The following GLYR1 variants were observed in gnomAD, a reference collection of about 807,000 sequenced individuals.
GLYR1 encodes the protein cytokine-like nuclear factor N-PAC.
GLYR1 carries 21 observed loss-of-function variants against 72.7 expected under a neutral mutation model. The ratio of observed to expected loss-of-function variants is 0.29; its 90% CI spans 0.20 to 0.42. The LOEUF (loss-of-function observed/expected upper bound fraction) is 0.42, where lower values mean the gene tolerates loss of function less well. Among genes scored for constraint, GLYR1 ranks in the 10% least tolerant of loss-of-function variants. GLYR1 has a pLI of 1.00. For synonymous variants in GLYR1, 392 were observed against 270.2 expected (o/e 1.45, Z -4.42); for missense variants, 594 against 712.1 (o/e 0.83, Z 1.89).
At chr16:4,808,848 C>G (rs867718221) in intron 15 of GLYR1, among the ~76,000 whole-genome samples, 3 of 151,968 alleles carry the variant, frequency 2.0e-5, no homozygotes, top group Middle Eastern at 3.4e-3. Context: ...CGCCTATAGT[C>G]CCAGCTACTC....
Position 4,804,965 on chromosome 16 carries a change from G to T in GLYR1, c.*271C>A. The T allele has an allele frequency of 1.9e-6, 1 of 538,748 alleles. No individual in the cohort carries two copies. Among genetic ancestry groups the T allele is most frequent in the East Asian group, 3.1e-5 (1 of 31,906 alleles). The allele number at this position is 538,748 out of a possible 1,614,324, so 33.4% of individuals were successfully genotyped here. ...TGTGTGTGTGTGTGTGTGTGTGTGT[G>T]TGTGTGAACACACAGCCACCTCGTC... On this transcript the variant is annotated 3_prime_UTR_variant, in exon 16 of 16. Transcript: ENST00000321919.
chr16:4,823,981 T>C, intron 5 of GLYR1, 74 bp from the exon 6 acceptor site: 1 of 1,229,986 alleles, frequency 8.1e-7, no homozygotes, highest in African/African-American at 1.5e-5. Context: ...CTCCACAGTC[T>C]AAGGGAAAGT....
chr16:4,817,159 G>A (rs1192406468), intron 10 of GLYR1, among the ~76,000 whole-genome samples: 6 of 148,510 alleles, frequency 4.0e-5, no homozygotes, highest in Admixed American at 1.3e-4. Context: ...TTGCTCTGTC[G>A]CCCAGGCTGG....
intron 10 of GLYR1, 104 bp downstream of exon 10, chr16:4,817,494 C>G (rs1274877135): frequency 5.7e-6 from 4 of 701,196 alleles, no homozygotes; most frequent in African/African-American, 1.8e-5. Context: ...AGCTTGGCTT[C>G]TATTCTATTG....
rs372806237 is a variant in GLYR1, at chr16:4,819,562, TG to T, written c.806+1817del. Among the ~76,000 whole-genome samples the T allele has an allele frequency of 7.2e-5, 11 of 152,326 alleles. No individual in the cohort carries two copies. The East Asian group carries it at 1.9e-3, about 27-fold the overall frequency. On this transcript the variant is annotated intron_variant, in intron 9 of 15. Coordinates refer to ENST00000321919, the MANE Select transcript of GLYR1 (RefSeq NM_032569.4). ...CTGGCCTCAAGGGATCCTTCTGCTT[TG>T]GTCTCCCAAAGTGTGGGGATTACAA...
At position 4,819,833 on chromosome 16, in the gene GLYR1, A is replaced by G. The variant is rs1189950296; in HGVS notation, c.806+1547T>C. ...GGAACCCACCAACTTTCTCACCAAAATAGACCTCCTTGCTAACTGCTTCAA... is the reference window on the plus strand; with the variant it reads ...GGAACCCACCAACTTTCTCACCAAAGTAGACCTCCTTGCTAACTGCTTCAA... On this transcript the variant is annotated intron_variant, in intron 9 of 15. Transcript: ENST00000321919. Among the ~76,000 whole-genome samples, 4 of 152,168 alleles carry G rather than the reference A, an allele frequency of 2.6e-5. No individual in the cohort carries two copies. In the East Asian group the frequency reaches 7.7e-4, roughly 29 times the overall value.
intron 5 of GLYR1, among the ~76,000 whole-genome samples, chr16:4,831,040 C>T (rs529835392): frequency 6.6e-6 from 1 of 152,302 alleles, no homozygotes; most frequent in East Asian, 1.9e-4. Flanking sequence ...AGAACTGGTA[C>T]TCTTTCTCCA....
chr16:4,815,563 G>A (rs2083583881), intron 10 of GLYR1, among the ~76,000 whole-genome samples: 1 of 152,020 alleles, frequency 6.6e-6, no homozygotes, highest in Non-Finnish European at 1.5e-5. Flanking sequence ...TTAAATTCAG[G>A]TCTCCACAAA....
At chr16:4,820,701 C>T (rs1465534824) in intron 9 of GLYR1, among the ~76,000 whole-genome samples, 1 of 152,220 alleles carries the variant, frequency 6.6e-6, no homozygotes, top group East Asian at 1.9e-4. Flanking sequence ...TGGAAACTGA[C>T]TTTAGCTAAC....
chr16:4,836,973 C>G (rs1333294787), intron 3 of GLYR1, among the ~76,000 whole-genome samples: 1 of 152,164 alleles, frequency 6.6e-6, no homozygotes, highest in Non-Finnish European at 1.5e-5. Flanking sequence ...GCACCTGTAA[C>G]ACAGCCAATT....
At chr16:4,846,573 T>C (rs576618331) in intron 1 of GLYR1, 4 of 285,622 alleles carry the variant, frequency 1.4e-5, no homozygotes, top group African/African-American at 4.3e-5. Context: ...CAAATGCTAA[T>C]GGAAGCCTTC....
Position 4,804,824 on chromosome 16 carries a change from T to C in GLYR1, c.*412A>G. ...GAAGCTGTGGGAAGGCTTCCAACTCTCGTTGCTGATTCTAGTTCCTTGACT... is the reference window on the plus strand; with the variant it reads ...GAAGCTGTGGGAAGGCTTCCAACTCCCGTTGCTGATTCTAGTTCCTTGACT... On this transcript the variant is annotated 3_prime_UTR_variant, in exon 16 of 16. Transcript: ENST00000321919. 2 of 213,544 alleles carry C rather than the reference T, an allele frequency of 9.4e-6. No individual in the cohort carries two copies. The highest frequency in any genetic ancestry group is 8.4e-5 in the South Asian group (1 of 11,872). 13.2% of individuals were successfully genotyped at this position (213,544 alleles called of 1,614,324 possible).
Position 4,814,653 on chromosome 16 carries a change from A to G in GLYR1, c.907-6T>C, listed in dbSNP as rs1045119758. 2 of 1,604,098 alleles carry G rather than the reference A, an allele frequency of 1.2e-6. No homozygotes were observed. The highest frequency in any genetic ancestry group is 2.7e-5 in the African/African-American group (2 of 74,760). ...TCCTGGATGAACAAATCACACTGCAAAAGTCACAGATCCTAACGTGAGCTG... is the reference window on the plus strand; with the variant it reads ...TCCTGGATGAACAAATCACACTGCAGAAGTCACAGATCCTAACGTGAGCTG... On this transcript the variant is annotated splice_polypyrimidine_tract_variant and splice_region_variant and intron_variant, in intron 10 of 15. Coordinates refer to ENST00000321919, the MANE Select transcript of GLYR1 (RefSeq NM_032569.4).
Position 4,804,972 on chromosome 16 carries a change from A to AT in GLYR1, c.*263_*264insA. 1 of 444,780 alleles carries AT rather than the reference A, an allele frequency of 2.2e-6. No homozygotes were observed. Among genetic ancestry groups the AT allele is most frequent in the East Asian group, 3.5e-5 (1 of 28,908 alleles). 27.6% of individuals were successfully genotyped at this position (444,780 alleles called of 1,614,324 possible). On this transcript the variant is annotated 3_prime_UTR_variant, in exon 16 of 16. Coordinates refer to ENST00000321919, the MANE Select transcript of GLYR1 (RefSeq NM_032569.4). ...GTGTGTGTGTGTGTGTGTGTGTGTGAACACACAGCCACCTCGTCCGGGGGG... is the reference window on the plus strand; with the variant it reads ...GTGTGTGTGTGTGTGTGTGTGTGTGATACACACAGCCACCTCGTCCGGGGGG...
At chr16:4,823,361 A>C (rs1463382533) in intron 6 of GLYR1, among the ~76,000 whole-genome samples, 1 of 152,250 alleles carries the variant, frequency 6.6e-6, no homozygotes, top group Non-Finnish European at 1.5e-5. Flanking sequence ...GCATATTAAC[A>C]GAAACAGAGT....
chr16:4,806,611 T>C (rs1033773532), intron 15 of GLYR1, among the ~76,000 whole-genome samples: 1 of 148,832 alleles, frequency 6.7e-6, no homozygotes, highest in African/African-American at 2.6e-5. Flanking sequence ...TGCTTAAGCC[T>C]CGACCCTGCC....
At chr16:4,808,627 C>A (rs566108207) in intron 15 of GLYR1, among the ~76,000 whole-genome samples, 42 of 148,902 alleles carry the variant, frequency 2.8e-4, no homozygotes, top group Admixed American at 9.9e-4. Flanking sequence ...AATAAAATAA[C>A]ATAAAATAAA....
intron 5 of GLYR1, among the ~76,000 whole-genome samples, chr16:4,825,021 C>T (rs557235247): frequency 6.6e-6 from 1 of 152,280 alleles, no homozygotes; most frequent in African/African-American, 2.4e-5. Flanking sequence ...TGCCCAACCC[C>T]TTCTTCTCAC....
chr16:4,841,100 G>A (rs2085512715), intron 3 of GLYR1, among the ~76,000 whole-genome samples: 1 of 152,156 alleles, frequency 6.6e-6, no homozygotes, highest in Non-Finnish European at 1.5e-5. Context: ...CAGTTGCTTT[G>A]TATCCCACTT....
Sources: allele counts gnomAD v4.1 joint callset (sites outside exome capture counted in the v4.1 genomes callset), GRCh38; gene constraint gnomAD v4.1.1; transcripts MANE v1.5; gene names NCBI Gene and HGNC (gene_info 2026-07-23, HGNC 2026-07-21).